Variants in RANBP2 observed in about 807,000 individuals in gnomAD.
RANBP2 encodes RAN binding protein 2.
Under a neutral mutation model 303.6 loss-of-function variants are expected in RANBP2, and 57 were observed. That is an observed-to-expected ratio of 0.19 (90% CI 0.15 to 0.23). The LOEUF is 0.23. Ranked by LOEUF, RANBP2 falls within the 10% of genes least tolerant of loss-of-function variation. The pLI is 1.00. For synonymous variants in RANBP2, 1,167 were observed against 1,301.5 expected (o/e 0.90, Z 2.23); for missense variants, 3,138 against 3,780.8 (o/e 0.83, Z 4.46).
chr2:109,471,929 T>G, the RANBP2 span, among the ~76,000 whole-genome samples: 2 of 152,120 alleles, frequency 1.3e-5, no homozygotes, highest in African/African-American at 4.8e-5. Flanking sequence ...TGAACAGCAG[T>G]TCATGTAACT....
At chr2:109,139,092 T>C in the RANBP2 span, among the ~76,000 whole-genome samples, 1 of 152,346 alleles carries the variant, frequency 6.6e-6, no homozygotes, top group Middle Eastern at 3.4e-3. Flanking sequence ...TGTATCCACA[T>C]CTTTACTCTT....
chr2:109,306,585 G>T, the RANBP2 span, among the ~76,000 whole-genome samples: 1 of 152,308 alleles, frequency 6.6e-6, no homozygotes, highest in African/African-American at 2.4e-5. Context: ...TCTCCAGGCA[G>T]GAAGCTACAT....
the RANBP2 span, among the ~76,000 whole-genome samples, chr2:109,086,127 A>G: frequency 6.6e-6 from 1 of 152,196 alleles, no homozygotes; most frequent in Non-Finnish European, 1.5e-5. Context: ...TCATGGCTGA[A>G]TAATATTCCA....
chr2:109,760,364 A>AGGGCCGGGGGCG, the RANBP2 span: 2 of 127,644 alleles, frequency 1.6e-5, no homozygotes, highest in Admixed American at 1.4e-4. Flanking sequence ...GCGGCGGCGC[A>AGGGCCGGGGGCG]GGGCCGGGGG....
chr2:109,657,618 C>T, the RANBP2 span, among the ~76,000 whole-genome samples: 1 of 151,392 alleles, frequency 6.6e-6, no homozygotes, highest in Non-Finnish European at 1.5e-5. Flanking sequence ...TTGCATTTAA[C>T]TAGGAATAAG....
the RANBP2 span, among the ~76,000 whole-genome samples, chr2:109,686,439 C>T: frequency 8.5e-5 from 13 of 152,174 alleles, 1 homozygote; most frequent in East Asian, 1.9e-3. Context: ...CTCAGCCTTT[C>T]GAGTAGCTGG....
chr2:109,302,593 A>G, the RANBP2 span, among the ~76,000 whole-genome samples: 1 of 152,100 alleles, frequency 6.6e-6, no homozygotes, highest in African/African-American at 2.4e-5. Context: ...AAATTTTGAC[A>G]GTGCTAAATT....
chr2:109,362,410 A>G, the RANBP2 span, among the ~76,000 whole-genome samples: 8 of 152,172 alleles, frequency 5.3e-5, no homozygotes, highest in African/African-American at 7.2e-5. Context: ...ATTTAATGCT[A>G]TTGTGGCCTG....
the RANBP2 span, among the ~76,000 whole-genome samples, chr2:109,029,890 G>A: frequency 6.6e-6 from 1 of 152,188 alleles, no homozygotes; most frequent in African/African-American, 2.4e-5. Context: ...TTTGCTCACA[G>A]ATAAGGCTGT....
At chr2:109,023,393 A>G in the RANBP2 span, among the ~76,000 whole-genome samples, 18 of 152,394 alleles carry the variant, frequency 1.2e-4, no homozygotes, top group South Asian at 3.7e-3. Context: ...TGTTCATTGT[A>G]GAAAATTTGT....
At chr2:109,481,915 G>A in the RANBP2 span, among the ~76,000 whole-genome samples, 1 of 152,184 alleles carries the variant, frequency 6.6e-6, no homozygotes. Context: ...CTGGAGTTTG[G>A]TAATGGTCGT....
chr2:109,586,253 T>C, the RANBP2 span, among the ~76,000 whole-genome samples: 1 of 152,184 alleles, frequency 6.6e-6, no homozygotes, highest in Admixed American at 6.6e-5. Flanking sequence ...CTCCTGGTAA[T>C]GGCAGAGTAA....
At chr2:109,065,200 A>G in the RANBP2 span, among the ~76,000 whole-genome samples, 6 of 152,314 alleles carry the variant, frequency 3.9e-5, no homozygotes, top group East Asian at 5.8e-4. Flanking sequence ...TTCTTCATCA[A>G]TGTGTGTTCT....
chr2:109,681,497 A>G, the RANBP2 span, among the ~76,000 whole-genome samples: 1 of 152,230 alleles, frequency 6.6e-6, no homozygotes, highest in Non-Finnish European at 1.5e-5. Flanking sequence ...ATGGAGAGTA[A>G]TGAAGTAGCA....
chr2:108,865,342 T>G, the RANBP2 span, among the ~76,000 whole-genome samples: 1 of 152,152 alleles, frequency 6.6e-6, no homozygotes, highest in East Asian at 1.9e-4. Flanking sequence ...GGGAGCTTAT[T>G]TGGTAGTAGT....
chr2:108,786,527 C>A (rs1388570363), downstream of RANBP2, among the ~76,000 whole-genome samples: 2 of 152,192 alleles, frequency 1.3e-5, no homozygotes, highest in East Asian at 3.9e-4. Context: ...GCGCTGCAGG[C>A]AGGTGCGGGG....
At chr2:109,574,475 A>G in the RANBP2 span, 2 of 669,746 alleles carry the variant, frequency 3.0e-6, no homozygotes, top group East Asian at 3.5e-5. Context: ...AATTTAAAAA[A>G]GATGCACAGG....
At chr2:109,632,975 G>A in the RANBP2 span, among the ~76,000 whole-genome samples, 3 of 152,138 alleles carry the variant, frequency 2.0e-5, no homozygotes, top group Non-Finnish European at 4.4e-5. Context: ...TTGTACTCGC[G>A]CTCTGTGGAG....
chr2:109,468,923 G>A, the RANBP2 span, among the ~76,000 whole-genome samples: 4 of 149,758 alleles, frequency 2.7e-5, no homozygotes, highest in Admixed American at 2.0e-4. Flanking sequence ...AACCCTCTAC[G>A]GCTTTGATAC....
Sources: gnomAD v4.1 joint callset for allele counts (sites outside exome capture counted in the v4.1 genomes callset) on GRCh38, gnomAD v4.1.1 for gene constraint, MANE v1.5 for transcripts, NCBI Gene and HGNC (gene_info 2026-07-23, HGNC 2026-07-21) for gene names.